Variants in SPTLC3 observed in about 807,000 individuals in gnomAD.
SPTLC3 encodes serine palmitoyltransferase long chain base subunit 3, also known as serine palmitoyltransferase 3.
A neutral mutation model predicts 59.3 loss-of-function variants in SPTLC3; 36 were observed. The ratio of observed to expected loss-of-function variants is 0.61; its 90% CI spans 0.47 to 0.80. SPTLC3 has a LOEUF of 0.80. Ranked by LOEUF, SPTLC3 falls within the 30% of genes least tolerant of loss-of-function variation. SPTLC3 has a pLI of 0.00. For missense variants in SPTLC3, 625 were observed against 685.1 expected, an observed-to-expected ratio of 0.91 and a Z score of 0.98; for synonymous variants, 257 against 240.8, an observed-to-expected ratio of 1.07 and a Z score of -0.62.
chr20:13,121,491 C>G (rs995311452), intron 8 of SPTLC3, among the ~76,000 whole-genome samples: 6 of 152,182 alleles, frequency 3.9e-5, no homozygotes, highest in South Asian at 4.1e-4. Context: ...AAAGGCCACC[C>G]TTGCCCTTGA....
chr20:13,114,788 T>C (rs2122726719), intron 7 of SPTLC3, among the ~76,000 whole-genome samples: 1 of 152,320 alleles, frequency 6.6e-6, no homozygotes, highest in Non-Finnish European at 1.5e-5. Flanking sequence ...CAAGGAGATT[T>C]TTCCACCATG....
At chr20:13,070,981 C>T (rs1988413723) in intron 2 of SPTLC3, among the ~76,000 whole-genome samples, 2 of 152,190 alleles carry the variant, frequency 1.3e-5, no homozygotes, top group Admixed American at 6.5e-5. Context: ...TCTCCAAGGA[C>T]TCTCCCACAT....
chr20:13,095,768 G>T (rs1989389118), intron 6 of SPTLC3, among the ~76,000 whole-genome samples: 1 of 151,972 alleles, frequency 6.6e-6, no homozygotes, highest in Admixed American at 6.6e-5. Context: ...GTGTGCCCTG[G>T]GATATATCAC....
chr20:13,063,007 T>A (rs945917712), intron 2 of SPTLC3, among the ~76,000 whole-genome samples: 1 of 152,232 alleles, frequency 6.6e-6, no homozygotes, highest in Non-Finnish European at 1.5e-5. Flanking sequence ...CCAATTTGCC[T>A]TTCAAAAATG....
At chr20:13,088,148 C>G (rs1013568138) in intron 4 of SPTLC3, among the ~76,000 whole-genome samples, 1 of 152,126 alleles carries the variant, frequency 6.6e-6, no homozygotes, top group Non-Finnish European at 1.5e-5. Flanking sequence ...TAGGTAAACG[C>G]GTATCTGGCA....
At chr20:13,110,895 G>A (rs1269242370) in intron 7 of SPTLC3, among the ~76,000 whole-genome samples, 2 of 152,052 alleles carry the variant, frequency 1.3e-5, no homozygotes, top group East Asian at 1.9e-4. Flanking sequence ...TAAAAGGAAG[G>A]AAGTGAAGGC....
At chr20:13,074,125 G>T in intron 3 of SPTLC3, 1 of 707,036 alleles carries the variant, frequency 1.4e-6, no homozygotes, top group South Asian at 1.5e-5. Context: ...AAAGTGCCCG[G>T]CACTGGCTGA....
At position 13,093,512 on chromosome 20, in the gene SPTLC3, A is replaced by G. The variant is rs1839532077; in HGVS notation, c.761A>G (p.Asn254Ser). 6.2e-7 allele frequency: 1 copy of G among 1,613,572 alleles called. No homozygotes were observed. The highest frequency in any genetic ancestry group is 1.7e-5 in the Admixed American group (1 of 60,010). ...KGCLILSDELNHTSLVLGARL... is the reference protein window; with the variant it reads ...KGCLILSDELSHTSLVLGARL... ...TGCCTCATTTTAAGTGATGAGTTAA[A>G]CCACACATCGCTTGTGCTTGGGGCC... Residue 254 changes from asparagine (N) to serine (S), a missense_variant, in exon 6 of 12, where the codon AAC (asparagine) becomes AGC (serine). By Grantham distance (46) the Asn-to-Ser change is conservative. Transcript: ENST00000399002.
At chr20:13,119,312 CTA>C (rs1398073914) in intron 8 of SPTLC3, among the ~76,000 whole-genome samples, 1 of 152,152 alleles carries the variant, frequency 6.6e-6, no homozygotes, top group Non-Finnish European at 1.5e-5. Flanking sequence ...ATTTTTCCCC[CTA>C]GAGTAGCTTC....
In SPTLC3 at chr20:13,117,551, G is replaced by A; in HGVS notation, c.978G>A (p.Lys326=). The A allele has an allele frequency of 1.2e-6, 2 of 1,607,948 alleles. No homozygotes were observed. Among genetic ancestry groups the A allele is most frequent in the Non-Finnish European group, 1.7e-6 (2 of 1,177,352 alleles). ...ATCTGCCCCAGATCATAGCTCTAAAGAAGAAATACAAGGCTTACCTCTACA... is the reference window on the plus strand; with the variant it reads ...ATCTGCCCCAGATCATAGCTCTAAAAAAGAAATACAAGGCTTACCTCTACA... ...IVHLPQIIAL[K]KKYKAYLYID... Residue 326 remains lysine, a synonymous_variant, in exon 8 of 12, where the codon AAG becomes AAA. Transcript: ENST00000399002.
chr20:13,096,668 A>G lies in SPTLC3; in HGVS notation c.826+3091A>G, dbSNP rs79922367. Among the ~76,000 whole-genome samples, 44 of 152,272 alleles carry G rather than the reference A, an allele frequency of 2.9e-4. No homozygotes were observed. The East Asian group carries it at 8.1e-3, about 28-fold the overall frequency. On this transcript the variant is annotated intron_variant, in intron 6 of 11. Coordinates refer to ENST00000399002, the MANE Select transcript of SPTLC3 (RefSeq NM_018327.4). ...GGAGGGAATTGGTGAGAAGAGGCAT[A>G]AAAGAACTTTCTGGGGCAATCTTTT...
intron 6 of SPTLC3, among the ~76,000 whole-genome samples, chr20:13,106,422 G>A (rs1336261468): frequency 6.6e-6 from 1 of 152,164 alleles, no homozygotes; most frequent in Non-Finnish European, 1.5e-5. Context: ...GGACACCAAG[G>A]AGGAAGCCCT....
At chr20:13,118,813 A>C (rs1990737960) in intron 8 of SPTLC3, among the ~76,000 whole-genome samples, 1 of 152,252 alleles carries the variant, frequency 6.6e-6, no homozygotes, top group Admixed American at 6.5e-5. Flanking sequence ...AGCAGAAAAC[A>C]GTCCTCTCAT....
At chr20:13,146,953 G>A (rs1368603903) in intron 9 of SPTLC3, among the ~76,000 whole-genome samples, 4 of 152,154 alleles carry the variant, frequency 2.6e-5, no homozygotes, top group Non-Finnish European at 5.9e-5. Flanking sequence ...TGTGAAGTGG[G>A]CCCAAAAAGC....
intron 1 of SPTLC3, among the ~76,000 whole-genome samples, chr20:13,031,620 G>A (rs1194765174): frequency 4.6e-5 from 7 of 152,062 alleles, no homozygotes; most frequent in Non-Finnish European, 5.9e-5. Context: ...TTTGCACATG[G>A]TTTCTCTCCA....
At chr20:13,074,280 C>T in intron 3 of SPTLC3, 69 bp from the exon 4 acceptor site, 7 of 1,577,092 alleles carry the variant, frequency 4.4e-6, no homozygotes, top group Non-Finnish European at 6.0e-6. Context: ...AGTCTTCCAC[C>T]AGGGATTTTT....
intron 9 of SPTLC3, among the ~76,000 whole-genome samples, chr20:13,138,097 A>G (rs910115037): frequency 1.3e-5 from 2 of 151,834 alleles, no homozygotes; most frequent in African/African-American, 4.8e-5. Flanking sequence ...TACTCAGTCC[A>G]CCCCCACAGT....
chr20:13,135,217 C>G (rs1034240678), intron 9 of SPTLC3, among the ~76,000 whole-genome samples: 4 of 152,072 alleles, frequency 2.6e-5, no homozygotes, highest in Non-Finnish European at 5.9e-5. Context: ...TGGGTAGGAT[C>G]AATTTGATGA....
At chr20:13,026,487 G>GT (rs1160742804) in intron 1 of SPTLC3, among the ~76,000 whole-genome samples, 1 of 152,110 alleles carries the variant, frequency 6.6e-6, no homozygotes, top group Non-Finnish European at 1.5e-5. Context: ...TGATATTGAG[G>GT]TTTTTTCATA....
Sources: gnomAD v4.1 joint callset for allele counts (sites outside exome capture counted in the v4.1 genomes callset) on GRCh38, gnomAD v4.1.1 for gene constraint, MANE v1.5 for transcripts, NCBI Gene and HGNC (gene_info 2026-07-23, HGNC 2026-07-21) for gene names.